Variants in IMMP2L observed in about 807,000 individuals in gnomAD.
The protein encoded by IMMP2L is inner mitochondrial membrane peptidase subunit 2.
IMMP2L carries 18 observed loss-of-function variants against 19.3 expected under a neutral mutation model. The observed-to-expected ratio is 0.93, with a 90% CI of 0.64 to 1.38. IMMP2L has a LOEUF of 1.38. Ranked by LOEUF, IMMP2L falls within the 40% of genes most tolerant of loss-of-function variation. The probability of loss-of-function intolerance (pLI) is 0.00; values close to 1 mark genes in which losing one functional copy is unlikely to be tolerated. For missense variants in IMMP2L, 233 were observed against 218.2 expected (o/e 1.07, Z -0.43); for synonymous variants, 76 against 73.0 (o/e 1.04, Z -0.21).
intron 3 of IMMP2L, among the ~76,000 whole-genome samples, chr7:111,393,067 C>T (rs578066999): frequency 2.6e-5 from 4 of 152,020 alleles, no homozygotes; most frequent in Admixed American, 6.6e-5. Flanking sequence ...CCTTTGCCCT[C>T]CCCAGAGGTT....
chr7:110,814,588 G>A (rs1802318551), intron 5 of IMMP2L, among the ~76,000 whole-genome samples: 1 of 150,432 alleles, frequency 6.6e-6, no homozygotes, highest in South Asian at 2.1e-4. Flanking sequence ...AGGACAACCT[G>A]ATTTCTTTTT....
chr7:111,253,580 T>C (rs577974594), intron 3 of IMMP2L, among the ~76,000 whole-genome samples: 23 of 152,274 alleles, frequency 1.5e-4, no homozygotes, highest in Non-Finnish European at 8.8e-5. Context: ...GCTGAGCTCA[T>C]GAAAAGTAAC....
chr7:110,884,679 T>C (rs1810026438), intron 5 of IMMP2L, among the ~76,000 whole-genome samples: 2 of 152,098 alleles, frequency 1.3e-5, no homozygotes, highest in South Asian at 4.1e-4. Context: ...CTTTTTCACT[T>C]GCGAGTTGCT....
intron 4 of IMMP2L, among the ~76,000 whole-genome samples, chr7:110,938,059 T>A (rs903388132): frequency 7.2e-5 from 11 of 152,234 alleles, no homozygotes; most frequent in Admixed American, 2.0e-4. Context: ...CCAGGCCTCA[T>A]TCTAAGTTCC....
rs979233514 is a variant in IMMP2L at position 110,751,592 on chromosome 7, G to C, written c.409-87871C>G. 3.3e-5 allele frequency among the ~76,000 whole-genome samples: 5 copies of C among 152,098 alleles called. No homozygotes were observed. The East Asian group carries it at 9.7e-4, about 29-fold the overall frequency. On this transcript the variant is annotated intron_variant, in intron 5 of 5. Transcript: ENST00000405709. The stretch of plus-strand genomic sequence containing the variant: ...TGGAACACTGAAACAAGATCTAGCT[G>C]TAACATAATAAATTGTAATAAGGTA...
At chr7:110,745,446 T>C (rs900586624) in intron 5 of IMMP2L, among the ~76,000 whole-genome samples, 1 of 151,924 alleles carries the variant, frequency 6.6e-6, no homozygotes, top group Non-Finnish European at 1.5e-5. Context: ...AGACACATAA[T>C]TGTGAGATTC....
intron 3 of IMMP2L, among the ~76,000 whole-genome samples, chr7:111,445,258 A>C (rs1167332854): frequency 1.3e-5 from 2 of 150,524 alleles, no homozygotes; most frequent in Non-Finnish European, 3.0e-5. Flanking sequence ...GTGGGGAGCC[A>C]AAAAAAAATG....
chr7:111,499,332 T>G (rs76186239), intron 2 of IMMP2L, among the ~76,000 whole-genome samples: 273 of 152,272 alleles, frequency 1.8e-3, no homozygotes, highest in Non-Finnish European at 3.4e-3. Flanking sequence ...TGTAATAATC[T>G]ACCAAAACTC....
chr7:111,438,393 G>GA (rs1837401392), intron 3 of IMMP2L, among the ~76,000 whole-genome samples: 1 of 151,384 alleles, frequency 6.6e-6, no homozygotes, highest in Non-Finnish European at 1.5e-5. Context: ...AGATTTTTAT[G>GA]AAAAACCTCT....
chr7:111,345,615 T>C (rs1255784833), intron 3 of IMMP2L, among the ~76,000 whole-genome samples: 2 of 151,144 alleles, frequency 1.3e-5, no homozygotes, highest in Admixed American at 6.6e-5. Flanking sequence ...AATAACATGA[T>C]ATGCAAAAAC....
At chr7:111,051,321 C>T (rs945672876) in intron 3 of IMMP2L, among the ~76,000 whole-genome samples, 5 of 152,132 alleles carry the variant, frequency 3.3e-5, no homozygotes, top group African/African-American at 9.7e-5. Flanking sequence ...TCTGAGACCA[C>T]TGAATATTTT....
intron 5 of IMMP2L, among the ~76,000 whole-genome samples, chr7:110,884,213 A>G (rs1809981096): frequency 6.6e-6 from 1 of 152,074 alleles, no homozygotes; most frequent in Non-Finnish European, 1.5e-5. Context: ...CTGGTGAAGA[A>G]CATCATGGCT....
rs746542947 is a variant in IMMP2L at position 110,900,492 on chromosome 7, A to G, written c.306-13797T>C. Among the ~76,000 whole-genome samples the G allele has an allele frequency of 2.0e-5, 3 of 152,102 alleles. No homozygotes were observed. The South Asian group carries it at 6.2e-4, about 32-fold the overall frequency. On this transcript the variant is annotated intron_variant, in intron 4 of 5. Coordinates refer to ENST00000405709, the MANE Select transcript of IMMP2L (RefSeq NM_032549.4). The stretch of plus-strand genomic sequence containing the variant: ...TGCAGTCACCTCCTCACTAGTTTTC[A>G]TGTCTCTCTTCTCCTCCATCTTTAG...
intron 5 of IMMP2L, among the ~76,000 whole-genome samples, chr7:110,791,877 C>T (rs7803713): frequency 0.81 from 123,397 of 151,646 alleles, 51,357 homozygotes; most frequent in East Asian, 0.91. Flanking sequence ...GTCACTCCTC[C>T]TGCCCTGGAA....
intron 3 of IMMP2L, among the ~76,000 whole-genome samples, chr7:111,118,327 T>C (rs913538919): frequency 5.3e-5 from 8 of 152,270 alleles, no homozygotes; most frequent in Non-Finnish European, 8.8e-5. Context: ...AAGATCTCTT[T>C]ACTAAGGAAA....
intron 4 of IMMP2L, among the ~76,000 whole-genome samples, chr7:110,898,810 T>G (rs2129546969): frequency 6.7e-6 from 1 of 148,532 alleles, no homozygotes; most frequent in Middle Eastern, 3.4e-3. Context: ...TGAGTTTGTT[T>G]TTTTTTTTTT....
chr7:111,415,113 G>T (rs1782336266), intron 3 of IMMP2L, among the ~76,000 whole-genome samples: 1 of 151,884 alleles, frequency 6.6e-6, no homozygotes, highest in African/African-American at 2.4e-5. Flanking sequence ...GGTCCTCCTT[G>T]AAGGATAAGC....
intron 3 of IMMP2L, among the ~76,000 whole-genome samples, chr7:111,343,773 T>G (rs1469549934): frequency 6.6e-6 from 1 of 152,146 alleles, no homozygotes; most frequent in African/African-American, 2.4e-5. Flanking sequence ...CATTTACATT[T>G]GAAAAGGCAG....
At chr7:111,098,093 A>G (rs577646545) in intron 3 of IMMP2L, among the ~76,000 whole-genome samples, 100 of 151,988 alleles carry the variant, frequency 6.6e-4, no homozygotes, top group African/African-American at 2.3e-3. Flanking sequence ...AAGAACATAT[A>G]AACTTTGAAA....
Sources: allele counts gnomAD v4.1 joint callset (sites outside exome capture counted in the v4.1 genomes callset), GRCh38; gene constraint gnomAD v4.1.1; transcripts MANE v1.5; gene names NCBI Gene and HGNC (gene_info 2026-07-23, HGNC 2026-07-21).